The following ZHX2 variants were observed in gnomAD, a reference collection of about 807,000 sequenced individuals.
ZHX2 encodes zinc fingers and homeoboxes 2.
A neutral mutation model predicts 21.9 loss-of-function variants in ZHX2; 6 were observed. That is an observed-to-expected ratio of 0.27 (90% CI 0.15 to 0.54). ZHX2 has a LOEUF of 0.54. ZHX2 is among the 20% of genes least tolerant of loss of function. The probability of loss-of-function intolerance (pLI) is 0.95; values close to 1 mark genes in which losing one functional copy is unlikely to be tolerated. For missense variants in ZHX2, 908 were observed against 1,090.7 expected, an observed-to-expected ratio of 0.83 and a Z score of 2.36; for synonymous variants, 434 against 437.1, an observed-to-expected ratio of 0.99 and a Z score of 0.09.
Position 122,823,858 on chromosome 8 carries a change from C to G in ZHX2, c.-282-39619C>G, listed in dbSNP as rs574841273. ...TTTTACCTCCTGATTTCATATTTAC[C>G]TGTTGACTTTTGCGTTGTCTGTCTT... On this transcript the variant is annotated intron_variant, in intron 1 of 3. Transcript: ENST00000314393. Among the ~76,000 whole-genome samples, 154 of 152,278 alleles carry G rather than the reference C, an allele frequency of 1.0e-3. 1 individual carries two copies. The highest frequency in any genetic ancestry group is 3.5e-3 in the African/African-American group (144 of 41,556).
chr8:122,794,196 A>T (rs542119082), intron 1 of ZHX2, among the ~76,000 whole-genome samples: 193 of 152,272 alleles, frequency 1.3e-3, no homozygotes, highest in African/African-American at 4.3e-3. Context: ...GTGTGTTGAA[A>T]TAGGAGTGTG....
At chr8:122,963,640 T>C (rs1408053741) in intron 3 of ZHX2, among the ~76,000 whole-genome samples, 1 of 152,154 alleles carries the variant, frequency 6.6e-6, no homozygotes, top group Non-Finnish European at 1.5e-5. Flanking sequence ...TTTAAGATTG[T>C]TTTTTCTAGT....
chr8:122,924,198 C>T (rs753007740), intron 2 of ZHX2, among the ~76,000 whole-genome samples: 21 of 152,172 alleles, frequency 1.4e-4, no homozygotes, highest in Non-Finnish European at 2.6e-4. Context: ...GTCAACAGGG[C>T]CGTGCTCCCT....
At chr8:122,883,755 G>A (rs576906335) in intron 2 of ZHX2, among the ~76,000 whole-genome samples, 2 of 152,362 alleles carry the variant, frequency 1.3e-5, no homozygotes, top group South Asian at 4.1e-4. Context: ...GGAACCAAAT[G>A]TCAGAAGGGT....
chr8:122,803,888 G>A (rs1817767199), intron 1 of ZHX2, among the ~76,000 whole-genome samples: 1 of 152,132 alleles, frequency 6.6e-6, no homozygotes. Flanking sequence ...GAGCCTGCTG[G>A]GCGGCCTGTT....
chr8:122,841,809 A>G (rs907284399), intron 1 of ZHX2, among the ~76,000 whole-genome samples: 5 of 152,142 alleles, frequency 3.3e-5, no homozygotes, highest in Non-Finnish European at 5.9e-5. Flanking sequence ...TCTGTGTGAG[A>G]TCAGATGTTA....
rs368779118 is a variant in ZHX2 at position 122,953,890 on chromosome 8, G to A, written c.2380G>A (p.Val794Met). ...CGAGGAGTCGAGCGTTGTGGATTAC[G>A]TGGAGGTGACGGTCGGGGAGGAGGA... is the stretch of plus-strand genomic sequence containing the variant. ...ENEESSVVDYVEVTVGEEDAI... is the reference protein window; with the variant it reads ...ENEESSVVDYMEVTVGEEDAI... Residue 794 changes from valine (V) to methionine (M), a missense_variant, in exon 3 of 4, where the codon GTG (valine) becomes ATG (methionine). Val to Met is a conservative substitution (Grantham distance 21, BLOSUM62 1). Around this residue, in one of 4 missense-constraint regions of ZHX2, gnomAD observed 431 missense variants for 428.6 expected, o/e 1.01. Coordinates refer to ENST00000314393, the MANE Select transcript of ZHX2 (RefSeq NM_014943.5). This position sits in a 1 kb window ranked among gnomAD's most constrained non-coding sequence, Gnocchi z 4.6. The A allele has an allele frequency of 4.3e-5, 70 of 1,614,060 alleles. No homozygotes were observed. The East Asian group carries it at 4.5e-4, about 10-fold the overall frequency.
intron 1 of ZHX2, among the ~76,000 whole-genome samples, chr8:122,832,730 G>A (rs1408940420): frequency 2.0e-5 from 3 of 152,236 alleles, no homozygotes; most frequent in Admixed American, 6.5e-5. Flanking sequence ...TTGCGGAGGC[G>A]GGAGGGACTG....
chr8:122,919,660 T>C (rs781372639), intron 2 of ZHX2, among the ~76,000 whole-genome samples: 1 of 152,206 alleles, frequency 6.6e-6, no homozygotes, highest in Non-Finnish European at 1.5e-5. Flanking sequence ...TATTGTCTCA[T>C]TGAATCATGA....
At chr8:122,922,148 T>C (rs1156747233) in intron 2 of ZHX2, among the ~76,000 whole-genome samples, 1 of 152,004 alleles carries the variant, frequency 6.6e-6, no homozygotes, top group African/African-American at 2.4e-5. Flanking sequence ...TAGAACTGTT[T>C]TCCCCACCCC....
At chr8:122,864,304 G>T (rs1456388219) in intron 2 of ZHX2, among the ~76,000 whole-genome samples, 1 of 151,668 alleles carries the variant, frequency 6.6e-6, no homozygotes, top group African/African-American at 2.4e-5. Flanking sequence ...TCCGTTTTAG[G>T]TGCAGGTTCT....
intron 2 of ZHX2, among the ~76,000 whole-genome samples, chr8:122,916,872 C>A (rs1259945679): frequency 6.6e-6 from 1 of 152,130 alleles, no homozygotes; most frequent in Non-Finnish European, 1.5e-5. Context: ...CTCCTGACCT[C>A]CATCCACCCC....
chr8:122,952,214 T>A lies in ZHX2; in HGVS notation c.704T>A (p.Leu235His). 1 of 1,613,002 alleles carries A rather than the reference T, an allele frequency of 6.2e-7. No individual in the cohort carries two copies. The highest frequency in any genetic ancestry group is 1.7e-5 in the Admixed American group (1 of 59,852). The change falls in exon 3 of 4, where the codon CTC becomes CAC. Residue 235 changes from leucine (L) to histidine (H), a missense_variant. Leu to His is a moderately conservative substitution (Grantham distance 99). Around this residue, in one of 4 missense-constraint regions of ZHX2, gnomAD observed 232 missense variants for 361.8 expected, o/e 0.64. Transcript: ENST00000314393. The surrounding 1 kb of genome is among the most constrained non-coding windows in gnomAD (Gnocchi z 6.9). The part of the protein sequence containing the change: ...ILSRLGGVEL[L>H]QDTLGHVMPS... Reference sequence around the variant, plus strand: ...TCGAGACTCGGCGGGGTGGAGCTCCTCCAAGACACATTAGGACACGTCATG... The same window carrying A: ...TCGAGACTCGGCGGGGTGGAGCTCCACCAAGACACATTAGGACACGTCATG...
rs149925628 is a variant in ZHX2 at position 122,879,707 on chromosome 8, A to G, written c.-220+16168A>G. On this transcript the variant is annotated intron_variant, in intron 2 of 3. Transcript: ENST00000314393. ...CCTATTTCTACCTCTGCCACCACCA[A>G]TCTCTAACTCAGCCCTCGGGCCACG... is the stretch of plus-strand genomic sequence containing the variant. Among the ~76,000 whole-genome samples, 265 of 152,102 alleles carry G rather than the reference A, an allele frequency of 1.7e-3. 2 individuals carry two copies. Among genetic ancestry groups the G allele is most frequent in the African/African-American group, 6.2e-3 (257 of 41,504 alleles).
At chr8:122,869,233 G>T (rs1034248850) in intron 2 of ZHX2, among the ~76,000 whole-genome samples, 3 of 152,122 alleles carry the variant, frequency 2.0e-5, no homozygotes, top group South Asian at 4.1e-4. Flanking sequence ...GGCTCCATGC[G>T]CAGGGCAGAA....
intron 2 of ZHX2, among the ~76,000 whole-genome samples, chr8:122,876,117 A>G (rs1374948966): frequency 1.0e-5 from 1 of 99,124 alleles, no homozygotes; most frequent in African/African-American, 4.0e-5. Context: ...TCATCCATCC[A>G]TCCCATCCAT....
chr8:122,821,688 C>CTTTA (rs35192802), intron 1 of ZHX2, among the ~76,000 whole-genome samples: 28,357 of 145,366 alleles, frequency 0.2, 3,014 homozygotes, highest in Admixed American at 0.29. Flanking sequence ...ACAGGCATGA[C>CTTTA]TTTATTTATT....
rs886099285 is a variant in ZHX2 at position 122,955,916 on chromosome 8, C to T, written c.*4+1888C>T. Reference sequence around the variant, plus strand: ...CTGGAATGCAATGGCACGATCTCAACTCACTGCAACCTCCACCTCTTGGGT... The same window carrying T: ...CTGGAATGCAATGGCACGATCTCAATTCACTGCAACCTCCACCTCTTGGGT... On this transcript the variant is annotated intron_variant, in intron 3 of 3. Transcript: ENST00000314393. Among the ~76,000 whole-genome samples, 7 of 144,554 alleles carry T rather than the reference C, an allele frequency of 4.8e-5. No individual in the cohort carries two copies. The East Asian group carries it at 1.3e-3, about 27-fold the overall frequency. The allele number at this position is 144,554 out of a possible 152,430, so 94.8% of individuals were successfully genotyped here.
chr8:122,811,217 A>G (rs1817920637), intron 1 of ZHX2, among the ~76,000 whole-genome samples: 1 of 151,820 alleles, frequency 6.6e-6, no homozygotes. Flanking sequence ...CTATCACTAC[A>G]AAAAAATACA....
Sources: allele counts gnomAD v4.1 joint callset (sites outside exome capture counted in the v4.1 genomes callset), GRCh38; gene constraint gnomAD v4.1.1; regional missense constraint gnomAD v4.1.1; non-coding constraint Gnocchi (gnomAD v3.1); transcripts MANE v1.5; gene names NCBI Gene and HGNC (gene_info 2026-07-23, HGNC 2026-07-21).